HIRA: variants seen among roughly 807,000 people sequenced by gnomAD.
HIRA encodes histone cell cycle regulator, also known as protein HIRA.
In HIRA, 13 loss-of-function variants were observed where a neutral mutation model predicts 126.6. That is an observed-to-expected ratio of 0.10 (90% CI 0.07 to 0.16). The LOEUF (loss-of-function observed/expected upper bound fraction) is 0.16, where lower values mean the gene tolerates loss of function less well. HIRA is among the 10% of genes least tolerant of loss of function. HIRA has a pLI of 1.00. For missense variants in HIRA, 834 were observed against 1,314.4 expected, an observed-to-expected ratio of 0.63 and a Z score of 5.65; for synonymous variants, 511 against 520.0, an observed-to-expected ratio of 0.98 and a Z score of 0.24.
intron 15 of HIRA, among the ~76,000 whole-genome samples, chr22:19,371,951 T>TA (rs1372163648): frequency 6.6e-6 from 1 of 152,240 alleles, no homozygotes; most frequent in East Asian, 1.9e-4. Flanking sequence ...TGCATGGATA[T>TA]ATGTTTTCAA....
intron 13 of HIRA, among the ~76,000 whole-genome samples, chr22:19,379,780 T>C (rs1208364305): frequency 2.0e-5 from 3 of 151,342 alleles, no homozygotes; most frequent in East Asian, 3.9e-4. Flanking sequence ...TGGTAGGAAA[T>C]ATTTTACCTG....
chr22:19,388,007 G>A (rs1273761552), intron 10 of HIRA, among the ~76,000 whole-genome samples, 191 bp from the exon 11 acceptor site: 4 of 151,982 alleles, frequency 2.6e-5, no homozygotes, highest in African/African-American at 4.8e-5. Context: ...TATCCCAAAG[G>A]GCCCTGGTGT....
Position 19,402,458 on chromosome 22 carries a change from C to T in HIRA, c.397+3328G>A, listed in dbSNP as rs181003722. Among the ~76,000 whole-genome samples, 3 of 152,284 alleles carry T rather than the reference C, an allele frequency of 2.0e-5. No homozygotes were observed. The East Asian group carries it at 5.8e-4, about 29-fold the overall frequency. Reference sequence around the variant, plus strand: ...CCACTCTGTATAATTCTCTTTTTATCATTAGATATTCTAATTGGCTATTAG... The same window carrying T: ...CCACTCTGTATAATTCTCTTTTTATTATTAGATATTCTAATTGGCTATTAG... On this transcript the variant is annotated intron_variant, in intron 5 of 24. Transcript: ENST00000263208.
intron 13 of HIRA, among the ~76,000 whole-genome samples, chr22:19,378,508 T>A (rs1295404184): frequency 1.3e-5 from 2 of 152,244 alleles, no homozygotes; most frequent in Admixed American, 1.3e-4. Flanking sequence ...CAGCTTTTTC[T>A]AGAACAGATG....
chr22:19,353,589 T>A, intron 22 of HIRA, 70 bp from the exon 23 acceptor site: 1 of 1,463,752 alleles, frequency 6.8e-7, no homozygotes, highest in South Asian at 1.4e-5. Flanking sequence ...TGCCCCCGTG[T>A]GCAACAGGCA....
intron 1 of HIRA, 104 bp from the exon 2 acceptor site, chr22:19,410,882 T>C: frequency 1.1e-6 from 1 of 920,322 alleles, no homozygotes; most frequent in East Asian, 2.4e-5. Context: ...TAGAAGATTC[T>C]CCAAACATCA....
At position 19,383,588 on chromosome 22, in the gene HIRA, G is replaced by T. The variant is rs554002111; in HGVS notation, c.1415+32C>A. The T allele has an allele frequency of 1.4e-5, 21 of 1,553,576 alleles. No homozygotes were observed. In the East Asian group the frequency reaches 4.5e-4, roughly 33 times the overall value. ...GAAAGAAGACAGGAAGATCTCGCCA[G>T]ATAAGACCATGAAAGGGGAATGAAC... On this transcript the variant is annotated intron_variant, in intron 13 of 24. Transcript: ENST00000263208.
At chr22:19,379,113 C>T (rs936426644) in intron 13 of HIRA, among the ~76,000 whole-genome samples, 4 of 151,610 alleles carry the variant, frequency 2.6e-5, no homozygotes, top group Non-Finnish European at 1.5e-5. Context: ...CTGCAAGCTC[C>T]GCCTCCCGGG....
At chr22:19,377,093 T>C (rs985735124) in intron 14 of HIRA, among the ~76,000 whole-genome samples, 1 of 152,182 alleles carries the variant, frequency 6.6e-6, no homozygotes, top group Admixed American at 6.5e-5. Context: ...CATCCCCTGG[T>C]AGGCCTGTAT....
intron 1 of HIRA, among the ~76,000 whole-genome samples, chr22:19,424,395 C>A (rs1448204800): frequency 2.6e-5 from 4 of 152,210 alleles, no homozygotes; most frequent in African/African-American, 9.7e-5. Flanking sequence ...CTCGATACCC[C>A]ACAACCAGAG....
Position 19,337,587 on chromosome 22 carries a change from T to C in HIRA, c.2938-6031A>G, listed in dbSNP as rs577962607. On this transcript the variant is annotated intron_variant, in intron 24 of 24. Coordinates refer to ENST00000263208, the MANE Select transcript of HIRA (RefSeq NM_003325.4). ...AAATCTAAAAGTCTGAAAAACGTATTTGTGGGGATAGTTGAGGAAAGCTTC... is the reference window on the plus strand; with the variant it reads ...AAATCTAAAAGTCTGAAAAACGTATCTGTGGGGATAGTTGAGGAAAGCTTC... 3.3e-5 allele frequency among the ~76,000 whole-genome samples: 5 copies of C among 152,168 alleles called. No individual in the cohort carries two copies. The South Asian group carries it at 8.3e-4, about 25-fold the overall frequency.
intron 1 of HIRA, among the ~76,000 whole-genome samples, chr22:19,418,395 C>T (rs1273392524): frequency 2.0e-5 from 3 of 151,474 alleles, no homozygotes; most frequent in African/African-American, 4.9e-5. Flanking sequence ...GAGGCTGAGG[C>T]GGGTGGATCA....
chr22:19,421,142 A>C (rs1294484354), intron 1 of HIRA, among the ~76,000 whole-genome samples: 2 of 152,200 alleles, frequency 1.3e-5, no homozygotes, highest in Non-Finnish European at 2.9e-5. Flanking sequence ...TACTAAAAAT[A>C]CAAAAAATTT....
intron 1 of HIRA, among the ~76,000 whole-genome samples, chr22:19,430,442 A>G (rs35377673): frequency 1.9e-3 from 293 of 152,312 alleles, no homozygotes; most frequent in Admixed American, 4.2e-3. Flanking sequence ...AAAAAGCCAC[A>G]TGTTAAAATA....
chr22:19,390,379 G>A (rs1425701866), intron 9 of HIRA, among the ~76,000 whole-genome samples: 1 of 151,926 alleles, frequency 6.6e-6, no homozygotes, highest in South Asian at 2.1e-4. Flanking sequence ...GATCACCTGA[G>A]GTCAGGAGTT....
At chr22:19,361,457 G>T in intron 16 of HIRA, 116 bp from the exon 17 acceptor site, 1 of 879,634 alleles carries the variant, frequency 1.1e-6, no homozygotes, top group Non-Finnish European at 1.8e-6. Context: ...TCCACCCTGG[G>T]AGGGAGGAAG....
chr22:19,375,034 G>T (rs1179357064), intron 15 of HIRA, among the ~76,000 whole-genome samples: 1 of 152,162 alleles, frequency 6.6e-6, no homozygotes, highest in African/African-American at 2.4e-5. Flanking sequence ...CATTCGCTCT[G>T]GCCACCTCAG....
chr22:19,394,621 G>C (rs1418569115), intron 7 of HIRA, 112 bp from the exon 8 acceptor site: 17 of 1,064,134 alleles, frequency 1.6e-5, no homozygotes, highest in Non-Finnish European at 8.1e-6. Flanking sequence ...GGTGGAGCAT[G>C]CACCCCAAGC....
chr22:19,416,016 C>T (rs543171321), intron 1 of HIRA, among the ~76,000 whole-genome samples: 23 of 152,274 alleles, frequency 1.5e-4, no homozygotes, highest in Admixed American at 1.3e-4. Flanking sequence ...GTAATCAGAA[C>T]AGTGAAGTAC....
Sources: gnomAD v4.1 joint callset for allele counts (sites outside exome capture counted in the v4.1 genomes callset) on GRCh38, gnomAD v4.1.1 for gene constraint, MANE v1.5 for transcripts, NCBI Gene and HGNC (gene_info 2026-07-23, HGNC 2026-07-21) for gene names.